MAF: variants seen among roughly 807,000 people sequenced by gnomAD.
MAF encodes the protein MAF bZIP transcription factor, also known as transcription factor Maf.
A neutral mutation model predicts 22.0 loss-of-function variants in MAF; 10 were observed. The observed-to-expected ratio is 0.45, with a 90% CI of 0.28 to 0.77. The LOEUF is 0.77. Among genes scored for constraint, MAF ranks in the 30% least tolerant of loss-of-function variants. The pLI, the probability that MAF is intolerant of heterozygous loss-of-function variation, is 0.12. For synonymous variants in MAF, 337 were observed against 255.8 expected, an observed-to-expected ratio of 1.32 and a Z score of -3.03; for missense variants, 544 against 548.4, an observed-to-expected ratio of 0.99 and a Z score of 0.08.
the MAF span, among the ~76,000 whole-genome samples, chr16:79,496,164 G>T: frequency 6.6e-6 from 1 of 152,140 alleles, no homozygotes; most frequent in Non-Finnish European, 1.5e-5. Context: ...AGGAGTATTT[G>T]TTATGCAGCA....
the MAF span, among the ~76,000 whole-genome samples, chr16:79,467,805 C>T: frequency 6.6e-6 from 1 of 152,004 alleles, no homozygotes; most frequent in Non-Finnish European, 1.5e-5. Context: ...GTTATAGCTC[C>T]ACATACTAGG....
At chr16:79,202,895 A>G in the MAF span, 2 of 152,238 alleles carry the variant, frequency 1.3e-5, no homozygotes, top group African/African-American at 4.8e-5. Flanking sequence ...CAGCACATGC[A>G]TATTTAGATA....
chr16:79,426,196 A>C, the MAF span, among the ~76,000 whole-genome samples: 4 of 138,404 alleles, frequency 2.9e-5, no homozygotes, highest in Non-Finnish European at 6.1e-5. Context: ...AGAGAGCGAG[A>C]GTCCATCTCA....
At chr16:79,383,180 G>C in the MAF span, among the ~76,000 whole-genome samples, 1 of 152,120 alleles carries the variant, frequency 6.6e-6, no homozygotes, top group African/African-American at 2.4e-5. Flanking sequence ...GAAATGCTCA[G>C]ACTGGAAGGG....
chr16:79,599,097 A>G lies in MAF; in HGVS notation c.806T>C (p.Met269Thr). ...DRFSDEQLVT[M>T]SVRELNRQLR... The stretch of plus-strand genomic sequence containing the variant: ...CTGCCGGTTCAGCTCGCGCACAGAC[A>G]TGGTCACCAGCTGCTCGTCGGAGAA... Residue 269 changes from methionine (M) to threonine (T), a missense_variant, in exon 1 of 2, where the codon ATG (methionine) becomes ACG (threonine). Met to Thr is a moderately conservative substitution (Grantham distance 81). Around this residue, in one of 5 missense-constraint regions of MAF, gnomAD observed 342 missense variants for 315.5 expected, o/e 1.08. Transcript: ENST00000326043. 6.2e-7 allele frequency: 1 copy of G among 1,606,426 alleles called. No homozygotes were observed. Among genetic ancestry groups the G allele is most frequent in the Non-Finnish European group, 8.5e-7 (1 of 1,179,114 alleles).
the MAF span, among the ~76,000 whole-genome samples, chr16:79,541,716 G>C: frequency 6.7e-6 from 1 of 148,522 alleles, no homozygotes; most frequent in Non-Finnish European, 1.5e-5. Flanking sequence ...CCAGGCTGGA[G>C]TGCAATCTTA....
chr16:79,563,266 G>T, the MAF span, among the ~76,000 whole-genome samples: 2 of 152,164 alleles, frequency 1.3e-5, no homozygotes, highest in African/African-American at 2.4e-5. Context: ...TGTGACAGCC[G>T]CTGCCCATGT....
At chr16:79,458,382 C>A in the MAF span, among the ~76,000 whole-genome samples, 1 of 152,076 alleles carries the variant, frequency 6.6e-6, no homozygotes, top group South Asian at 2.1e-4. Context: ...ACTACTTTGC[C>A]AACGTCAGAA....
At chr16:79,448,721 G>C in the MAF span, among the ~76,000 whole-genome samples, 1 of 151,632 alleles carries the variant, frequency 6.6e-6, no homozygotes, top group African/African-American at 2.4e-5. Flanking sequence ...CACTGCGCCT[G>C]GCCTGAAGCA....
At chr16:79,596,194 T>C (rs2143772122) in intron 1 of MAF, 1 of 1,060,872 alleles carries the variant, frequency 9.4e-7, no homozygotes, top group South Asian at 4.6e-5. Context: ...AGTTCCACTG[T>C]TTTGTTTTGT....
the MAF span, among the ~76,000 whole-genome samples, chr16:79,216,529 A>G: frequency 6.6e-6 from 1 of 152,288 alleles, no homozygotes; most frequent in East Asian, 1.9e-4. Context: ...ATTACATGAG[A>G]CATTCAACCC....
chr16:79,329,318 C>G, the MAF span, among the ~76,000 whole-genome samples: 1 of 152,146 alleles, frequency 6.6e-6, no homozygotes, highest in Non-Finnish European at 1.5e-5. Context: ...TCTAGACCGA[C>G]TAAACTGGAA....
chr16:79,212,858 C>G, the MAF span: 60 of 152,120 alleles, frequency 3.9e-4, 1 homozygote, highest in African/African-American at 1.4e-3. Flanking sequence ...TGTGGCTGTC[C>G]GTGGGCCAAG....
chr16:79,216,119 G>C, the MAF span, among the ~76,000 whole-genome samples: 7 of 151,610 alleles, frequency 4.6e-5, no homozygotes, highest in Non-Finnish European at 8.8e-5. Context: ...TTTGTCATAT[G>C]TGCACATCTG....
intron 1 of MAF, chr16:79,598,026 T>TC (rs1913664195): frequency 1.9e-6 from 2 of 1,040,288 alleles, no homozygotes; most frequent in Non-Finnish European, 2.3e-6. Flanking sequence ...AGGATTTTTT[T>TC]CTCTATTTTA....
the MAF span, among the ~76,000 whole-genome samples, chr16:79,483,579 C>T: frequency 6.6e-6 from 1 of 151,994 alleles, no homozygotes; most frequent in Admixed American, 6.5e-5. Context: ...GGTCATGAAG[C>T]TTCTTTGAGG....
chr16:79,219,756 T>C, the MAF span, among the ~76,000 whole-genome samples: 26 of 152,094 alleles, frequency 1.7e-4, no homozygotes, highest in African/African-American at 6.3e-4. Flanking sequence ...CTCCTGTACC[T>C]CAGACTTCAT....
At chr16:79,437,312 A>C in the MAF span, among the ~76,000 whole-genome samples, 1 of 152,186 alleles carries the variant, frequency 6.6e-6, no homozygotes, top group Non-Finnish European at 1.5e-5. Context: ...ATCCAAGATT[A>C]AATAATCCCC....
chr16:79,216,323 C>CATAT, the MAF span, among the ~76,000 whole-genome samples: 16 of 152,308 alleles, frequency 1.1e-4, no homozygotes, highest in African/African-American at 3.6e-4. Flanking sequence ...ATATGTGGCA[C>CATAT]ATGTGCATAT....
Sources: gnomAD v4.1 joint callset for allele counts (sites outside exome capture counted in the v4.1 genomes callset) on GRCh38, gnomAD v4.1.1 for gene constraint, gnomAD v4.1.1 regional missense constraint, MANE v1.5 for transcripts, NCBI Gene and HGNC (gene_info 2026-07-23, HGNC 2026-07-21) for gene names.